CSMD3: variants seen among roughly 807,000 people sequenced by gnomAD.
CSMD3 encodes CUB and Sushi multiple domains 3.
Under a neutral mutation model 435.2 loss-of-function variants are expected in CSMD3, and 177 were observed. The observed-to-expected ratio is 0.41, with a 90% CI of 0.36 to 0.46. The LOEUF (loss-of-function observed/expected upper bound fraction) is 0.46, where lower values mean the gene tolerates loss of function less well. Ranked by LOEUF, CSMD3 falls within the 20% of genes least tolerant of loss-of-function variation. The pLI, the probability that CSMD3 is intolerant of heterozygous loss-of-function variation, is 0.34. For synonymous variants in CSMD3, 1,656 were observed against 1,520.5 expected, an observed-to-expected ratio of 1.09 and a Z score of -2.07; for missense variants, 4,265 against 4,504.6, an observed-to-expected ratio of 0.95 and a Z score of 1.52.
At chr8:112,349,238 A>C (rs1368784616) in intron 40 of CSMD3, among the ~76,000 whole-genome samples, 1 of 152,122 alleles carries the variant, frequency 6.6e-6, no homozygotes, top group Non-Finnish European at 1.5e-5. Flanking sequence ...AAATTAGACA[A>C]TGCTATGTGT....
chr8:112,736,221 G>A (rs188012926), intron 13 of CSMD3, among the ~76,000 whole-genome samples: 34 of 152,054 alleles, frequency 2.2e-4, no homozygotes, highest in African/African-American at 8.2e-4. Flanking sequence ...AGTTTCCCCC[G>A]TGTATTTCTG....
chr8:112,429,758 A>G (rs539275494), intron 32 of CSMD3, among the ~76,000 whole-genome samples: 1 of 152,194 alleles, frequency 6.6e-6, no homozygotes. Context: ...AATGCTTATG[A>G]TTAAAATATT....
rs543863006 is a variant in CSMD3 at position 113,319,735 on chromosome 8, ATTGCTATTGTAATT to A, written c.179-4956_179-4943del. Reference sequence around the variant, plus strand: ...CTGATAACAAGTAGTTACTCTTGTAATTGCTATTGTAATTTTGCTGATTACTGTTGAGATTACTA... The same window carrying A: ...CTGATAACAAGTAGTTACTCTTGTAATTGCTGATTACTGTTGAGATTACTA... On this transcript the variant is annotated intron_variant, in intron 1 of 70. Coordinates refer to ENST00000297405, the MANE Select transcript of CSMD3 (RefSeq NM_198123.2). 9.2e-5 allele frequency among the ~76,000 whole-genome samples: 14 copies of A among 152,146 alleles called. No individual in the cohort carries two copies. In the South Asian group the frequency reaches 1.2e-3, roughly 14 times the overall value.
intron 7 of CSMD3, among the ~76,000 whole-genome samples, chr8:112,957,166 T>C (rs921265424): frequency 1.3e-5 from 2 of 152,080 alleles, no homozygotes; most frequent in East Asian, 1.9e-4. Flanking sequence ...CCATAAAATA[T>C]AGATTTCACG....
intron 37 of CSMD3, 126 bp downstream of exon 37, chr8:112,383,441 T>A: frequency 1.5e-6 from 1 of 657,830 alleles, no homozygotes; most frequent in Non-Finnish European, 2.8e-6. Context: ...TCAGTCCTTG[T>A]ATCTTTGTGT....
At chr8:113,379,090 A>G (rs1453062432) in intron 1 of CSMD3, among the ~76,000 whole-genome samples, 1 of 151,982 alleles carries the variant, frequency 6.6e-6, no homozygotes, top group Non-Finnish European at 1.5e-5. Context: ...AAAAATCATT[A>G]CTCTGGGAAA....
chr8:112,310,544 A>G (rs1821877832), intron 50 of CSMD3: 2 of 237,630 alleles, frequency 8.4e-6, no homozygotes, highest in African/African-American at 2.3e-5. Context: ...GGTGGGTTAC[A>G]TTTTTCTCTT....
chr8:113,102,519 A>G (rs2090359479), intron 4 of CSMD3, among the ~76,000 whole-genome samples: 1 of 152,102 alleles, frequency 6.6e-6, no homozygotes, highest in African/African-American at 2.4e-5. Flanking sequence ...AATACATAAA[A>G]TTACATTTCT....
rs576352911 is a variant in CSMD3, at chr8:113,198,726, G to A, written c.515-24810C>T. ...TAATCATTACTCCCTTAAAGAAGTA[G>A]AGGAAGTGTTAATAGTAACCTTACT... On this transcript the variant is annotated intron_variant, in intron 3 of 70. Coordinates refer to ENST00000297405, the MANE Select transcript of CSMD3 (RefSeq NM_198123.2). Among the ~76,000 whole-genome samples, 48 of 151,250 alleles carry A rather than the reference G, an allele frequency of 3.2e-4. No homozygotes were observed. The South Asian group carries it at 5.2e-3, about 16-fold the overall frequency.
At chr8:113,095,544 G>A (rs549707478) in intron 5 of CSMD3, among the ~76,000 whole-genome samples, 1 of 151,984 alleles carries the variant, frequency 6.6e-6, no homozygotes, top group South Asian at 2.1e-4. Flanking sequence ...ATTCACATTT[G>A]ACAACTGGCC....
At chr8:113,183,539 G>A (rs1205446270) in intron 3 of CSMD3, among the ~76,000 whole-genome samples, 1 of 151,900 alleles carries the variant, frequency 6.6e-6, no homozygotes, top group Non-Finnish European at 1.5e-5. Flanking sequence ...CCCCAAGGCT[G>A]CCTTCCATCC....
chr8:112,461,541 G>C (rs1235457739), intron 32 of CSMD3, among the ~76,000 whole-genome samples: 1 of 151,898 alleles, frequency 6.6e-6, no homozygotes, highest in Non-Finnish European at 1.5e-5. Flanking sequence ...TGAATATTCA[G>C]GCTCATTCAA....
intron 32 of CSMD3, among the ~76,000 whole-genome samples, chr8:112,426,226 T>C (rs982001751): frequency 2.0e-5 from 3 of 152,128 alleles, no homozygotes; most frequent in African/African-American, 2.4e-5. Flanking sequence ...ATTGGTGAAT[T>C]TGAGTGTGTG....
At chr8:113,360,659 C>T (rs1345017830) in intron 1 of CSMD3, among the ~76,000 whole-genome samples, 1 of 149,660 alleles carries the variant, frequency 6.7e-6, no homozygotes, top group Non-Finnish European at 1.5e-5. Flanking sequence ...CTGCAAGCTC[C>T]GCCTCCCGGG....
At chr8:112,376,540 T>C (rs570962374) in intron 38 of CSMD3, among the ~76,000 whole-genome samples, 1 of 151,796 alleles carries the variant, frequency 6.6e-6, no homozygotes, top group South Asian at 2.1e-4. Flanking sequence ...AAACTTCCAG[T>C]TTAGGTAATG....
At chr8:112,622,266 T>C (rs555791460) in intron 22 of CSMD3, among the ~76,000 whole-genome samples, 14 of 152,256 alleles carry the variant, frequency 9.2e-5, no homozygotes, top group East Asian at 3.9e-4. Flanking sequence ...TGTCCAACTT[T>C]ACTGTTCTGC....
chr8:113,140,178 G>A (rs1031637855), intron 4 of CSMD3, among the ~76,000 whole-genome samples: 1 of 150,622 alleles, frequency 6.6e-6, no homozygotes, highest in African/African-American at 2.4e-5. Context: ...TAATGATATA[G>A]GGAAAATCCA....
At chr8:112,787,584 C>G (rs144881604) in intron 13 of CSMD3, among the ~76,000 whole-genome samples, 2 of 152,238 alleles carry the variant, frequency 1.3e-5, no homozygotes, top group African/African-American at 4.8e-5. Flanking sequence ...GCTGCATATA[C>G]ACAATGGAGT....
chr8:112,348,616 G>A (rs1264805486), intron 40 of CSMD3, among the ~76,000 whole-genome samples: 1 of 152,000 alleles, frequency 6.6e-6, no homozygotes, highest in African/African-American at 2.4e-5. Context: ...TTTAAAATGG[G>A]TCAGGTGCGG....
Sources: allele counts gnomAD v4.1 joint callset (sites outside exome capture counted in the v4.1 genomes callset), GRCh38; gene constraint gnomAD v4.1.1; transcripts MANE v1.5; gene names NCBI Gene and HGNC (gene_info 2026-07-23, HGNC 2026-07-21).